The following DCC variants were observed in gnomAD, a reference collection of about 807,000 sequenced individuals.
DCC encodes DCC netrin 1 receptor.
DCC carries 58 observed loss-of-function variants against 172.5 expected under a neutral mutation model. That is an observed-to-expected ratio of 0.34 (90% CI 0.27 to 0.42). The LOEUF (loss-of-function observed/expected upper bound fraction) is 0.42, where lower values mean the gene tolerates loss of function less well. Among genes scored for constraint, DCC ranks in the 10% least tolerant of loss-of-function variants. The pLI is 1.00. For synonymous variants in DCC, 709 were observed against 644.5 expected (o/e 1.10, Z -1.52); for missense variants, 1,740 against 1,791.0 (o/e 0.97, Z 0.51).
intron 5 of DCC, among the ~76,000 whole-genome samples, chr18:52,989,455 G>C (rs1208624328): frequency 6.6e-6 from 1 of 151,198 alleles, no homozygotes; most frequent in Admixed American, 6.6e-5. Context: ...CCTGGGAGGT[G>C]GTCGTTGCAG....
intron 1 of DCC, among the ~76,000 whole-genome samples, chr18:52,685,738 C>A (rs1218303298): frequency 1.3e-5 from 2 of 152,040 alleles, no homozygotes; most frequent in Non-Finnish European, 2.9e-5. Context: ...TAAATATATA[C>A]TGTTCAAGTA....
intron 5 of DCC, among the ~76,000 whole-genome samples, chr18:52,948,720 T>C (rs1474299881): frequency 1.3e-5 from 2 of 152,220 alleles, no homozygotes; most frequent in Non-Finnish European, 2.9e-5. Context: ...GTAGTTTCCC[T>C]TCTCATCACA....
chr18:53,284,622 C>T (rs1265364070), intron 12 of DCC, among the ~76,000 whole-genome samples: 1 of 152,012 alleles, frequency 6.6e-6, no homozygotes. Flanking sequence ...TGAAAATGGA[C>T]TAATACAGTA....
At chr18:53,109,765 TA>T (rs2043303513) in intron 7 of DCC, among the ~76,000 whole-genome samples, 1 of 151,674 alleles carries the variant, frequency 6.6e-6, no homozygotes, top group Non-Finnish European at 1.5e-5. Context: ...GAGATGCCTT[TA>T]AAAACTTATT....
chr18:52,732,929 G>A (rs989166840), intron 1 of DCC, among the ~76,000 whole-genome samples: 4 of 152,080 alleles, frequency 2.6e-5, no homozygotes, highest in African/African-American at 9.7e-5. Flanking sequence ...TTCATTTGAA[G>A]ATTCATTAGA....
At chr18:52,669,940 T>C (rs1036170691) in intron 1 of DCC, among the ~76,000 whole-genome samples, 11 of 150,792 alleles carry the variant, frequency 7.3e-5, no homozygotes, top group Non-Finnish European at 1.6e-4. Context: ...GGTCACAGAC[T>C]GTCTCTGTGA....
At chr18:53,186,343 T>G (rs2055282439) in intron 9 of DCC, among the ~76,000 whole-genome samples, 2 of 152,216 alleles carry the variant, frequency 1.3e-5, no homozygotes, top group Non-Finnish European at 2.9e-5. Flanking sequence ...TTTAATCGCC[T>G]AGTTTGGTTA....
intron 5 of DCC, among the ~76,000 whole-genome samples, chr18:52,983,288 ATTGGATGCTT>A (rs1374643765): frequency 6.6e-6 from 1 of 152,196 alleles, no homozygotes; most frequent in Non-Finnish European, 1.5e-5. Context: ...CAAAGGGAAC[ATTGGATGCTT>A]TGCAGGGTGA....
intron 7 of DCC, 50 bp from the exon 8 acceptor site, chr18:53,157,306 C>T (rs1568336212): frequency 6.2e-7 from 1 of 1,612,664 alleles, no homozygotes; most frequent in Non-Finnish European, 8.5e-7. Flanking sequence ...CTACCCAATT[C>T]TTACCTATGG....
At chr18:52,989,591 G>T (rs1038673846) in intron 5 of DCC, among the ~76,000 whole-genome samples, 4 of 152,126 alleles carry the variant, frequency 2.6e-5, no homozygotes, top group Non-Finnish European at 4.4e-5. Flanking sequence ...GAAATAAATT[G>T]CACCTTGCCT....
At chr18:52,477,314 G>A (rs565062119) in intron 1 of DCC, among the ~76,000 whole-genome samples, 1 of 152,292 alleles carries the variant, frequency 6.6e-6, no homozygotes, top group East Asian at 1.9e-4. Flanking sequence ...CAAGACACAG[G>A]GTTGCCCTAT....
chr18:52,876,751 T>A (rs1452811093), intron 2 of DCC, among the ~76,000 whole-genome samples: 1 of 152,144 alleles, frequency 6.6e-6, no homozygotes, highest in African/African-American at 2.4e-5. Context: ...AAAACATGAA[T>A]GTGGGGAGCC....
chr18:53,316,888 GCAAA>G (rs2057349937), intron 13 of DCC, among the ~76,000 whole-genome samples: 1 of 152,198 alleles, frequency 6.6e-6, no homozygotes, highest in Non-Finnish European at 1.5e-5. Flanking sequence ...TAGGTCATCT[GCAAA>G]CAGAGACCAT....
intron 1 of DCC, among the ~76,000 whole-genome samples, chr18:52,665,391 C>A (rs1192824616): frequency 1.3e-5 from 2 of 152,082 alleles, no homozygotes; most frequent in African/African-American, 4.8e-5. Flanking sequence ...ATAGTTACCT[C>A]GGAGAACTCA....
intron 5 of DCC, among the ~76,000 whole-genome samples, chr18:52,939,837 A>T (rs572855112): frequency 6.6e-6 from 1 of 152,182 alleles, no homozygotes; most frequent in Non-Finnish European, 1.5e-5. Context: ...GGTGCAGAAA[A>T]GAATACCAGG....
chr18:53,179,153 A>G (rs754058279), intron 9 of DCC, 37 bp downstream of exon 9: 16 of 1,596,790 alleles, frequency 1.0e-5, no homozygotes, highest in Admixed American at 1.7e-5. Context: ...TTTAAAAAGT[A>G]TTTATTTTCC....
chr18:53,213,183 G>A (rs781763489), intron 11 of DCC, among the ~76,000 whole-genome samples: 4 of 152,092 alleles, frequency 2.6e-5, no homozygotes, highest in Non-Finnish European at 5.9e-5. Context: ...CATGATAAAT[G>A]TTACCTTCTC....
intron 1 of DCC, among the ~76,000 whole-genome samples, chr18:52,549,209 G>A (rs1346020075): frequency 6.6e-6 from 1 of 151,964 alleles, no homozygotes; most frequent in East Asian, 1.9e-4. Flanking sequence ...ATTAATTCAT[G>A]CCATGTTATA....
chr18:53,426,146 C>G (rs1433412296), intron 21 of DCC, among the ~76,000 whole-genome samples: 1 of 150,850 alleles, frequency 6.6e-6, no homozygotes, highest in East Asian at 1.9e-4. Flanking sequence ...TGTCCACTCT[C>G]CCTTGTGAGA....
Sources: allele counts gnomAD v4.1 joint callset (sites outside exome capture counted in the v4.1 genomes callset), GRCh38; gene constraint gnomAD v4.1.1; transcripts MANE v1.5; gene names NCBI Gene and HGNC (gene_info 2026-07-23, HGNC 2026-07-21).